ADD1: variants seen among roughly 807,000 people sequenced by gnomAD.
ADD1 encodes alpha-adducin.
In ADD1, 24 loss-of-function variants were observed where a neutral mutation model predicts 80.5. That is an observed-to-expected ratio of 0.30 (90% confidence interval 0.22 to 0.42). The LOEUF (loss-of-function observed/expected upper bound fraction) is 0.42. Ranked by LOEUF, ADD1 falls within the 10% of genes least tolerant of loss-of-function variation. The probability of loss-of-function intolerance (pLI) is 1.00; values close to 1 mark genes in which losing one functional copy is unlikely to be tolerated. For missense variants in ADD1, 948 were observed against 1,019.0 expected (o/e 0.93, Z 0.95); for synonymous variants, 373 against 393.8 (o/e 0.95, Z 0.63).
At chr4:2,925,642 G>A (rs1236496764) in intron 14 of ADD1, among the ~76,000 whole-genome samples, 3 of 152,178 alleles carry the variant, frequency 2.0e-5, no homozygotes, top group Non-Finnish European at 4.4e-5. Flanking sequence ...GTGGGTTCAG[G>A]ACCCTCAGCC....
chr4:2,926,326 C>T lies in ADD1; in HGVS notation c.2047+214C>T, dbSNP rs1711606940. On this transcript the variant is annotated intron_variant, in intron 15 of 15. Coordinates refer to ENST00000683351, the MANE Select transcript of ADD1 (RefSeq NM_001354761.2). This position sits in a 1 kb window ranked among gnomAD's most constrained non-coding sequence, Gnocchi z 5.0. The stretch of plus-strand genomic sequence containing the variant: ...TGTGAGCTGTGACCAGGTAGGAAGG[C>T]CGGCCTCGGGGGTCGGAACCCACCA... The T allele has an allele frequency of 1.4e-6, 1 of 710,362 alleles. No individual in the cohort carries two copies. The highest frequency in any genetic ancestry group is 2.7e-5 in the East Asian group (1 of 37,010). 44.0% of individuals were successfully genotyped at this position (710,362 alleles called of 1,614,324 possible).
At chr4:2,911,431 C>CATATATATATATATAT (rs1553848842) in intron 13 of ADD1, among the ~76,000 whole-genome samples, 29 of 140,868 alleles carry the variant, frequency 2.1e-4, no homozygotes, top group African/African-American at 7.7e-4. Flanking sequence ...ACCTGAAATA[C>CATATATATATATATAT]ATATATATAT....
intron 9 of ADD1, among the ~76,000 whole-genome samples, chr4:2,903,452 C>G (rs1212461946): frequency 6.6e-6 from 1 of 152,190 alleles, no homozygotes; most frequent in African/African-American, 2.4e-5. Flanking sequence ...CTCATAAAGG[C>G]TGCATTCAGG....
Position 2,886,471 on chromosome 4 carries a change from G to A in ADD1, c.510+1805G>A, listed in dbSNP as rs74430972. Among the ~76,000 whole-genome samples, 334 of 152,212 alleles carry A rather than the reference G, an allele frequency of 2.2e-3. 1 individual carries two copies. The highest frequency in any genetic ancestry group is 7.5e-3 in the African/African-American group (310 of 41,528). On this transcript the variant is annotated intron_variant, in intron 4 of 15. Transcript: ENST00000683351. ...CTTACCATGTCATGCTCCTGTGTGC[G>A]GCACGGTCACTCTGTGTAGAATGTC...
At chr4:2,919,656 C>A (rs184004933) in intron 14 of ADD1, among the ~76,000 whole-genome samples, 2 of 151,964 alleles carry the variant, frequency 1.3e-5, no homozygotes, top group Non-Finnish European at 2.9e-5. Flanking sequence ...GATGGTAGTT[C>A]GTATTTCTGT....
intron 13 of ADD1, among the ~76,000 whole-genome samples, chr4:2,909,823 C>G (rs1435286135): frequency 6.6e-6 from 1 of 151,834 alleles, no homozygotes; most frequent in African/African-American, 2.4e-5. Flanking sequence ...TCCCGAGTGC[C>G]CTTCCACCCT....
Position 2,894,005 on chromosome 4 carries a change from C to T in ADD1, c.511-8C>T, listed in dbSNP as rs1319816356. The T allele has an allele frequency of 2.5e-6, 4 of 1,612,454 alleles. No homozygotes were observed. The highest frequency in any genetic ancestry group is 3.4e-6 in the Non-Finnish European group (4 of 1,178,712). On this transcript the variant is annotated splice_region_variant and splice_polypyrimidine_tract_variant and intron_variant, in intron 4 of 15. Transcript: ENST00000683351. The stretch of plus-strand genomic sequence containing the variant: ...ATCTTTGAGCTAATTCAGTCATTTT[C>T]CCCACAGACCAGAGTGAACTCCGAG...
chr4:2,876,819 A>G (rs1167066437), intron 2 of ADD1, among the ~76,000 whole-genome samples: 4 of 150,146 alleles, frequency 2.7e-5, no homozygotes, highest in Middle Eastern at 3.4e-3. Flanking sequence ...AGCCTGGGTG[A>G]CATAGAGAGA....
Position 2,851,328 on chromosome 4 carries a change from C to CT in ADD1, c.-21+7305dup, listed in dbSNP as rs1242389559. Among the ~76,000 whole-genome samples, 16 of 152,300 alleles carry CT rather than the reference C, an allele frequency of 1.1e-4. No individual in the cohort carries two copies. The East Asian group carries it at 2.1e-3, about 20-fold the overall frequency. ...GGAGTAATAATAATAACAGTCATAT[C>CT]TAACTGGAGGTGTGAGGCTGTGGTA... is the stretch of plus-strand genomic sequence containing the variant. On this transcript the variant is annotated intron_variant, in intron 1 of 15. Transcript: ENST00000683351.
chr4:2,920,514 T>C (rs1739823640), intron 14 of ADD1, among the ~76,000 whole-genome samples: 2 of 152,226 alleles, frequency 1.3e-5, no homozygotes, highest in African/African-American at 4.8e-5. Flanking sequence ...TGGGTGCTCC[T>C]GTATTGGGTG....
In ADD1 at chr4:2,882,000, A is replaced by G. The variant is rs1166728631; in HGVS notation, c.298A>G (p.Thr100Ala). The G allele has an allele frequency of 6.8e-6, 11 of 1,613,420 alleles. No homozygotes were observed. Among genetic ancestry groups the G allele is most frequent in the Non-Finnish European group, 8.5e-6 (10 of 1,179,852 alleles). The change falls in exon 3 of 16, where the codon ACG (threonine) becomes GCG (alanine). Residue 100 changes from threonine to alanine, a missense_variant. Thr to Ala is a moderately conservative substitution (Grantham distance 58). Transcript: ENST00000683351. ...ACAGCAGATTGCAGATTTTATGACC[A>G]CGAATGTACCAAATGTCTACCCAGC... ...ALQQIADFMT[T>A]NVPNVYPAAP...
At chr4:2,907,974 C>G (rs920065515) in intron 11 of ADD1, 130 bp downstream of exon 11, 4 of 722,354 alleles carry the variant, frequency 5.5e-6, no homozygotes, top group Non-Finnish European at 9.9e-6. Flanking sequence ...TGCAGTGAAG[C>G]CATCTCTTCA....
chr4:2,886,535 A>G (rs1338559772), intron 4 of ADD1, among the ~76,000 whole-genome samples: 1 of 152,146 alleles, frequency 6.6e-6, no homozygotes, highest in African/African-American at 2.4e-5. Context: ...ACCCCCATTC[A>G]TTCTGTATGT....
intron 6 of ADD1, among the ~76,000 whole-genome samples, chr4:2,897,429 A>G (rs1296403095): frequency 6.7e-6 from 1 of 149,018 alleles, no homozygotes; most frequent in Non-Finnish European, 1.5e-5. Context: ...TACATTATAT[A>G]TATACAAACT....
intron 4 of ADD1, among the ~76,000 whole-genome samples, chr4:2,893,812 C>A (rs762046487): frequency 1.3e-5 from 2 of 152,088 alleles, no homozygotes; most frequent in Non-Finnish European, 2.9e-5. Flanking sequence ...GAGCAAGAAG[C>A]ACTTCATATA....
At chr4:2,901,379 A>G (rs1463613427) in intron 9 of ADD1, 1 of 152,242 alleles carries the variant, frequency 6.6e-6, no homozygotes, top group African/African-American at 2.4e-5. Flanking sequence ...GAGAGGGGGA[A>G]GTCAAAATCA....
intron 14 of ADD1, among the ~76,000 whole-genome samples, chr4:2,916,370 A>G (rs1462158206): frequency 1.3e-5 from 2 of 151,366 alleles, no homozygotes; most frequent in African/African-American, 4.9e-5. Context: ...TAATTTTTGT[A>G]TTTTTAGTAG....
intron 4 of ADD1, among the ~76,000 whole-genome samples, chr4:2,891,949 A>G (rs1271656638): frequency 6.6e-6 from 1 of 152,222 alleles, no homozygotes; most frequent in Non-Finnish European, 1.5e-5. Context: ...GGTGACAAAC[A>G]CAGGAAAACA....
chr4:2,854,413 T>C (rs537342397), intron 1 of ADD1, among the ~76,000 whole-genome samples: 112 of 152,294 alleles, frequency 7.4e-4, no homozygotes, highest in Admixed American at 8.5e-4. Flanking sequence ...TCTCTAATGA[T>C]CTAACTTTTT....
Sources: allele counts gnomAD v4.1 joint callset (sites outside exome capture counted in the v4.1 genomes callset), GRCh38; gene constraint gnomAD v4.1.1; non-coding constraint Gnocchi (gnomAD v3.1); transcripts MANE v1.5; gene names NCBI Gene and HGNC (gene_info 2026-07-23, HGNC 2026-07-21).